The following KCNQ1OT1 variants were observed in gnomAD, a reference collection of about 807,000 sequenced individuals.
The protein encoded by KCNQ1OT1 is KCNQ1 antisense RNA 2 (non-protein coding).
In KCNQ1OT1 at chr11:2,661,272, T is replaced by C. The variant is rs1177881446; in HGVS notation, n.38723A>G. The C allele has an allele frequency of 2.5e-6, 1 of 399,124 alleles. No homozygotes were observed. The highest frequency in any genetic ancestry group is 4.4e-5 in the Admixed American group (1 of 22,804). The allele number at this position is 399,124 out of a possible 1,614,324, so 24.7% of individuals were successfully genotyped here. A position where few individuals can be genotyped will look rare whatever the true frequency, so the allele number is the denominator to read the frequency against. ...TAAAATATTTAAATGAAGACAAATATAAGCCAAGAGCAAATACTGATAGTG... is the reference window on the plus strand; with the variant it reads ...TAAAATATTTAAATGAAGACAAATACAAGCCAAGAGCAAATACTGATAGTG... On this transcript the variant is annotated non_coding_transcript_exon_variant, in exon 1 of 1. Transcript: ENST00000597346. The surrounding 1 kb of genome is among the most constrained non-coding windows in gnomAD (Gnocchi z 5.9).
In KCNQ1OT1 at chr11:2,653,228, C is replaced by T. The variant is rs1448360426; in HGVS notation, n.46767G>A. On this transcript the variant is annotated non_coding_transcript_exon_variant, in exon 1 of 1. Transcript: ENST00000597346. The surrounding 1 kb of genome is among the most constrained non-coding windows in gnomAD (Gnocchi z 5.3). ...CTAGGGCCAGGGCCTTGGCCTCAGG[C>T]CAGCTTCTTTCCCACAAGCCTTCTC... The T allele has an allele frequency of 2.5e-6, 1 of 398,656 alleles. No individual in the cohort carries two copies. Among genetic ancestry groups the T allele is most frequent in the African/African-American group, 2.1e-5 (1 of 48,656 alleles). The allele number at this position is 398,656 out of a possible 1,614,324, so 24.7% of individuals were successfully genotyped here. A position where few individuals can be genotyped will look rare whatever the true frequency, so the allele number is the denominator to read the frequency against.
In KCNQ1OT1 at chr11:2,620,315, C is replaced by A. The variant is rs916819882; in HGVS notation, n.79680G>T. ...CACTGCAGCCTCCGCCTACCGGGTTCAAGTGATTCTCCTGCCTCAGCCTCC... is the reference window on the plus strand; with the variant it reads ...CACTGCAGCCTCCGCCTACCGGGTTAAAGTGATTCTCCTGCCTCAGCCTCC... On this transcript the variant is annotated non_coding_transcript_exon_variant, in exon 1 of 1. Coordinates refer to ENST00000597346, the Ensembl canonical transcript of KCNQ1OT1. The surrounding 1 kb of genome is among the most constrained non-coding windows in gnomAD (Gnocchi z 4.5). 4.9e-6 allele frequency: 1 copy of A among 204,746 alleles called. No homozygotes were observed. The highest frequency in any genetic ancestry group is 1.9e-4 in the South Asian group (1 of 5,258). The allele number at this position is 204,746 out of a possible 1,614,324, so 12.7% of individuals were successfully genotyped here.
chr11:2,629,302 T>C (rs1849313401), exon 1 of KCNQ1OT1: 1 of 398,448 alleles, frequency 2.5e-6, no homozygotes, highest in Non-Finnish European at 4.4e-6. Context: ...CTAGGTCTTT[T>C]ATCTCCTTGG....
chr11:2,638,409 G>T (rs1849514793), exon 1 of KCNQ1OT1: 1 of 152,088 alleles, frequency 6.6e-6, no homozygotes, highest in South Asian at 2.1e-4. Context: ...GTCTATAAAG[G>T]ATTTTATTTC....
Position 2,642,398 on chromosome 11 carries a change from T to C in KCNQ1OT1, n.57597A>G. On this transcript the variant is annotated non_coding_transcript_exon_variant, in exon 1 of 1. Transcript: ENST00000597346. The surrounding 1 kb of genome is among the most constrained non-coding windows in gnomAD (Gnocchi z 4.3). ...AGATAATGCCTTCTTGATTTCTTTC[T>C]CAGCTGGTTCTTTATTGGTATATAG... 2.5e-6 allele frequency: 1 copy of C among 398,230 alleles called. No individual in the cohort carries two copies. Among genetic ancestry groups the C allele is most frequent in the East Asian group, 3.6e-5 (1 of 27,988 alleles). 24.7% of individuals were successfully genotyped at this position (398,230 alleles called of 1,614,324 possible).
At chr11:2,660,793 A>G (rs1849940394) in exon 1 of KCNQ1OT1, 3 of 398,522 alleles carry the variant, frequency 7.5e-6, no homozygotes, top group South Asian at 1.3e-4. Flanking sequence ...TGGGAAAGCA[A>G]TCTAGCAACA....
exon 1 of KCNQ1OT1, chr11:2,650,561 C>T: frequency 2.5e-6 from 1 of 398,610 alleles, no homozygotes; most frequent in Non-Finnish European, 4.4e-6. Context: ...GCTTAGGCTG[C>T]TTGGTGCTTA....
exon 1 of KCNQ1OT1, chr11:2,692,339 C>G (rs931396057): frequency 5.0e-6 from 2 of 398,850 alleles, no homozygotes; most frequent in Admixed American, 8.8e-5. Flanking sequence ...GCCACCATTT[C>G]TCTGTACTGC....
At chr11:2,686,322 C>T (rs1850489063) in exon 1 of KCNQ1OT1, 3 of 398,608 alleles carry the variant, frequency 7.5e-6, no homozygotes, top group Non-Finnish European at 1.3e-5. Flanking sequence ...TCACCTGGCC[C>T]GTCCCACCTG....
Position 2,620,211 on chromosome 11 carries a change from A to ATATATTTT in KCNQ1OT1, n.79783_79784insAAAATATA, listed in dbSNP as rs1383035176. The stretch of plus-strand genomic sequence containing the variant: ...TAAGTTCATTCATGTATATATATAT[A>ATATATTTT]TTTTTTTTTTTTATTTTTTTTTTAG... On this transcript the variant is annotated non_coding_transcript_exon_variant, in exon 1 of 1. Coordinates refer to ENST00000597346, the Ensembl canonical transcript of KCNQ1OT1. The surrounding 1 kb of genome is among the most constrained non-coding windows in gnomAD (Gnocchi z 4.5). 4 of 261,942 alleles carry ATATATTTT rather than the reference A, an allele frequency of 1.5e-5. No individual in the cohort carries two copies. The highest frequency in any genetic ancestry group is 6.1e-5 in the Admixed American group (1 of 16,400). 16.2% of individuals were successfully genotyped at this position (261,942 alleles called of 1,614,324 possible).
chr11:2,640,811 C>G, exon 1 of KCNQ1OT1: 1 of 398,644 alleles, frequency 2.5e-6, no homozygotes, highest in Non-Finnish European at 4.4e-6. Context: ...ACCCACTAAC[C>G]AACCTCTCTT....
rs922256872 is a variant in KCNQ1OT1 at position 2,677,933 on chromosome 11, A to G, written n.22062T>C. 3.0e-5 allele frequency: 12 copies of G among 398,410 alleles called. No individual in the cohort carries two copies. The Middle Eastern group carries it at 3.7e-3, about 124-fold the overall frequency. The allele number at this position is 398,410 out of a possible 1,614,324, so 24.7% of individuals were successfully genotyped here. ...TCAGGTTTTTATCTTCATTCATTTC[A>G]TAGATGAGAAATGGTACACTGGAGC... On this transcript the variant is annotated non_coding_transcript_exon_variant, in exon 1 of 1. Coordinates refer to ENST00000597346, the Ensembl canonical transcript of KCNQ1OT1. This position sits in a 1 kb window ranked among gnomAD's most constrained non-coding sequence, Gnocchi z 4.5.
At chr11:2,622,679 TC>T in exon 1 of KCNQ1OT1, 2 of 398,658 alleles carry the variant, frequency 5.0e-6, no homozygotes, top group South Asian at 2.5e-4. Context: ...ATTATGATTC[TC>T]TATTCGATTG....
In KCNQ1OT1 at chr11:2,683,811, T is replaced by C. The variant is rs2133883733; in HGVS notation, n.16184A>G. The C allele has an allele frequency of 1.5e-5, 6 of 398,632 alleles. No individual in the cohort carries two copies. Among genetic ancestry groups the C allele is most frequent in the Middle Eastern group, 6.3e-4 (1 of 1,588 alleles). The allele number at this position is 398,632 out of a possible 1,614,324, so 24.7% of individuals were successfully genotyped here. A position where few individuals can be genotyped will look rare whatever the true frequency, so the allele number is the denominator to read the frequency against. The stretch of plus-strand genomic sequence containing the variant: ...CTCTATACCCCAAAATCCCAGCCAC[T>C]AGCTTGCAGAATGGCTTTGTTGGAT... On this transcript the variant is annotated non_coding_transcript_exon_variant, in exon 1 of 1. Coordinates refer to ENST00000597346, the Ensembl canonical transcript of KCNQ1OT1. This position sits in a 1 kb window ranked among gnomAD's most constrained non-coding sequence, Gnocchi z 4.7.
chr11:2,657,743 G>A lies in KCNQ1OT1; in HGVS notation n.42252C>T, dbSNP rs1233688412. 5 of 398,356 alleles carry A rather than the reference G, an allele frequency of 1.3e-5. No individual in the cohort carries two copies. Among genetic ancestry groups the A allele is most frequent in the Non-Finnish European group, 1.8e-5 (4 of 226,038 alleles). The allele number at this position is 398,356 out of a possible 1,614,324, so 24.7% of individuals were successfully genotyped here. ...TTTATTGTCATCTCTGATCGGTGAC[G>A]GGCTTCTCAGTCTTGTTCTTCATTA... On this transcript the variant is annotated non_coding_transcript_exon_variant, in exon 1 of 1. Transcript: ENST00000597346. This position sits in a 1 kb window ranked among gnomAD's most constrained non-coding sequence, Gnocchi z 4.8.
Position 2,624,921 on chromosome 11 carries a change from A to AT in KCNQ1OT1, n.75073dup, listed in dbSNP as rs143192030. The AT allele has an allele frequency of 0.013, 5,106 of 398,158 alleles. 156 individuals carry two copies. Among genetic ancestry groups the AT allele is most frequent in the East Asian group, 0.079 (2,211 of 28,040 alleles). 24.7% of individuals were successfully genotyped at this position (398,158 alleles called of 1,614,324 possible). A position where few individuals can be genotyped will look rare whatever the true frequency, so the allele number is the denominator to read the frequency against. ...TGTTGTGGCATGTGTCAAAATTTCT[A>AT]TTTTTTTTAAAGCTGAATAATATTA... On this transcript the variant is annotated non_coding_transcript_exon_variant, in exon 1 of 1. Coordinates refer to ENST00000597346, the Ensembl canonical transcript of KCNQ1OT1. The surrounding 1 kb of genome is among the most constrained non-coding windows in gnomAD (Gnocchi z 4.9).
chr11:2,649,895 T>C (rs552821748), exon 1 of KCNQ1OT1: 1 of 398,518 alleles, frequency 2.5e-6, no homozygotes, highest in Admixed American at 4.4e-5. Context: ...CTGGTCCTTA[T>C]CCCAACACTT....
At chr11:2,615,145 T>G in exon 1 of KCNQ1OT1, 1 of 398,296 alleles carries the variant, frequency 2.5e-6, no homozygotes. Context: ...TATTTTACTC[T>G]TTTTGATGCT....
chr11:2,690,779 G>A lies in KCNQ1OT1; in HGVS notation n.9216C>T, dbSNP rs956813874. 1 of 398,568 alleles carries A rather than the reference G, an allele frequency of 2.5e-6. No individual in the cohort carries two copies. Among genetic ancestry groups the A allele is most frequent in the Non-Finnish European group, 4.4e-6 (1 of 226,102 alleles). 24.7% of individuals were successfully genotyped at this position (398,568 alleles called of 1,614,324 possible). ...TTAGGTGGATGTGGCCTGGCAGGGGGTCAGCAGGAGGGAGGTCCCTGTCTC... is the reference window on the plus strand; with the variant it reads ...TTAGGTGGATGTGGCCTGGCAGGGGATCAGCAGGAGGGAGGTCCCTGTCTC... On this transcript the variant is annotated non_coding_transcript_exon_variant, in exon 1 of 1. Transcript: ENST00000597346. This position sits in a 1 kb window ranked among gnomAD's most constrained non-coding sequence, Gnocchi z 5.1.
Sources: allele counts gnomAD v4.1 joint callset, GRCh38; gene constraint gnomAD v4.1.1; non-coding constraint Gnocchi (gnomAD v3.1); transcripts MANE v1.5; gene names NCBI Gene and HGNC (gene_info 2026-07-23, HGNC 2026-07-21).